The following CELA1 variants were observed in gnomAD, a reference collection of about 807,000 sequenced individuals.
The protein encoded by CELA1 is chymotrypsin-like elastase family member 1.
A neutral mutation model predicts 34.8 loss-of-function variants in CELA1; 28 were observed. That is an observed-to-expected ratio of 0.80 (90% CI 0.60 to 1.10). CELA1 has a LOEUF of 1.10. Ranked by LOEUF, CELA1 falls within the 50% of genes least tolerant of loss-of-function variation. The pLI is 0.00. For missense variants in CELA1, 288 were observed against 327.5 expected (o/e 0.88, Z 0.93); for synonymous variants, 140 against 129.8 (o/e 1.08, Z -0.53).
In CELA1 at chr12:51,343,812, G is replaced by A. The variant is rs748609374; in HGVS notation, c.141C>T (p.Thr47=). 42 of 1,610,522 alleles carry A rather than the reference G, an allele frequency of 2.6e-5. No individual in the cohort carries two copies. In the South Asian group the frequency reaches 4.5e-4, roughly 17 times the overall value. The change falls in exon 3 of 8, where the codon ACC becomes ACT. Residue 47 remains threonine (T), a synonymous_variant. Transcript: ENST00000293636. The part of the protein sequence containing the change: ...QYRSGGSRYH[T]CGGTLIRQNW... ...TCTGTCTGATAAGGGTCCCTCCACA[G>A]GTGTGATACCGGGAACCTCCAGACC...
intron 3 of CELA1, 97 bp from the exon 4 acceptor site, chr12:51,342,797 A>G: frequency 7.4e-7 from 1 of 1,348,242 alleles, no homozygotes; most frequent in Non-Finnish European, 9.9e-7. Context: ...TTTTTTAATC[A>G]TTATTATTTA....
chr12:51,345,864 C>A lies in CELA1; in HGVS notation c.30G>T (p.Gln10His), dbSNP rs17860287. MLVLYGHST[Q>H]DLPETNARVV... ...CGCGGGCATTGGTTTCCGGAAGGTC[C>A]TGGGTGCTGTGTCCTTTGTGGGGCA... is the stretch of plus-strand genomic sequence containing the variant. Residue 10 changes from glutamine to histidine, a missense_variant, in exon 2 of 8, where the codon CAG becomes CAT. Physicochemically the swap from Gln to His is conservative, Grantham distance 24. Coordinates refer to ENST00000293636, the MANE Select transcript of CELA1 (RefSeq NM_001971.6). The A allele has an allele frequency of 1.0e-5, 16 of 1,557,886 alleles. No homozygotes were observed. The Middle Eastern group carries it at 6.7e-4, about 65-fold the overall frequency.
At chr12:51,329,928 G>A (rs1337047825) in intron 6 of CELA1, 95 bp from the exon 7 acceptor site, 3 of 1,222,830 alleles carry the variant, frequency 2.5e-6, no homozygotes, top group Non-Finnish European at 2.3e-6. Context: ...AATTCTGTAC[G>A]GTTTTAAAGC....
intron 6 of CELA1, among the ~76,000 whole-genome samples, chr12:51,332,759 TGAGGAGGCTGAGGCACAAGAACCCAG>T (rs577784962): frequency 6.6e-6 from 1 of 152,174 alleles, no homozygotes; most frequent in African/African-American, 2.4e-5. Context: ...TCCCAGCTAC[TGAGGAGGCTGAGGCACAAGAACCCAG>T]GAGGAGGAGG....
intron 6 of CELA1, among the ~76,000 whole-genome samples, chr12:51,331,164 C>T (rs572635235): frequency 8.6e-5 from 13 of 151,556 alleles, no homozygotes; most frequent in East Asian, 3.9e-4. Context: ...CTGAGGCGGG[C>T]GGATCACCTG....
chr12:51,343,721 G>T lies in CELA1; in HGVS notation c.200+32C>A, dbSNP rs749892218. The T allele has an allele frequency of 4.5e-6, 6 of 1,335,724 alleles. No individual in the cohort carries two copies. The South Asian group carries it at 4.7e-5, about 11-fold the overall frequency. The allele number at this position is 1,335,724 out of a possible 1,614,324, so 82.7% of individuals were successfully genotyped here. A position where few individuals can be genotyped will look rare whatever the true frequency, so the allele number is the denominator to read the frequency against. On this transcript the variant is annotated intron_variant, in intron 3 of 7. Coordinates refer to ENST00000293636, the MANE Select transcript of CELA1 (RefSeq NM_001971.6). ...AAGGTCAGCCCCTTCCCCTTCCAGG[G>T]GCCCAGGAAAGCTTGTCTTTGTTTT...
Position 51,339,483 on chromosome 12 carries a change from G to A in CELA1, c.609+377C>T, listed in dbSNP as rs11169811. 5.9e-3 allele frequency among the ~76,000 whole-genome samples: 892 copies of A among 152,130 alleles called. 20 individuals are homozygous for A. The highest frequency in any genetic ancestry group is 0.032 in the East Asian group (164 of 5,186). ...AGGAGAATTGCTTGAACCCAGAGGCGGAGGTTGCAGTGAGCCGAGATCGTC... is the reference window on the plus strand; with the variant it reads ...AGGAGAATTGCTTGAACCCAGAGGCAGAGGTTGCAGTGAGCCGAGATCGTC... On this transcript the variant is annotated intron_variant, in intron 6 of 7. Coordinates refer to ENST00000293636, the MANE Select transcript of CELA1 (RefSeq NM_001971.6).
At chr12:51,346,264 G>A (rs1035171174) in intron 1 of CELA1, among the ~76,000 whole-genome samples, 11 of 149,924 alleles carry the variant, frequency 7.3e-5, no homozygotes, top group African/African-American at 2.5e-4. Flanking sequence ...TTCAGGGCCT[G>A]CAGTGCACAC....
At chr12:51,338,305 T>C (rs199698439) in intron 6 of CELA1, among the ~76,000 whole-genome samples, 5 of 3,376 alleles carry the variant, frequency 1.5e-3, no homozygotes, top group Admixed American at 0.019. Context: ...TACGCATACA[T>C]ATATATATAT....
At chr12:51,344,672 A>G (rs1442580830) in intron 2 of CELA1, among the ~76,000 whole-genome samples, 2 of 151,760 alleles carry the variant, frequency 1.3e-5, no homozygotes, top group African/African-American at 2.4e-5. Context: ...GCCTGGTGAC[A>G]GAGCGAGACT....
chr12:51,342,525 C>G (rs370614699), intron 4 of CELA1, 50 bp downstream of exon 4: 7 of 1,612,452 alleles, frequency 4.3e-6, no homozygotes, highest in Non-Finnish European at 5.9e-6. Flanking sequence ...CAGTTGTTGG[C>G]TAGTCAGGCC....
At chr12:51,331,132 G>A (rs950326224) in intron 6 of CELA1, among the ~76,000 whole-genome samples, 1 of 151,932 alleles carries the variant, frequency 6.6e-6, no homozygotes, top group African/African-American at 2.4e-5. Flanking sequence ...CTCCACACCT[G>A]TAATCCCAGC....
chr12:51,339,585 A>G (rs984477098), intron 6 of CELA1, among the ~76,000 whole-genome samples: 2 of 152,164 alleles, frequency 1.3e-5, no homozygotes, highest in Non-Finnish European at 2.9e-5. Context: ...TTCTAAGAAC[A>G]CACACATATA....
At chr12:51,336,271 G>A (rs1946498987) in intron 6 of CELA1, among the ~76,000 whole-genome samples, 1 of 152,168 alleles carries the variant, frequency 6.6e-6, no homozygotes, top group Non-Finnish European at 1.5e-5. Context: ...TCATTGAACA[G>A]TTTTTCCCTG....
intron 6 of CELA1, 58 bp downstream of exon 6, chr12:51,339,802 G>T (rs1946522603): frequency 3.9e-5 from 62 of 1,570,096 alleles, no homozygotes; most frequent in Non-Finnish European, 5.2e-5. Flanking sequence ...AGGAAGAGGG[G>T]TGGAGGGATA....
chr12:51,346,656 C>G lies in CELA1; in HGVS notation c.-18G>C. ...ACCAGCATGTTGCCGATGGAGTAGA[C>G]CACTGCCTTCTTGCTTGGACCAAGC... On this transcript the variant is annotated 5_prime_UTR_variant, in exon 1 of 8. Transcript: ENST00000293636. 1 of 1,593,050 alleles carries G rather than the reference C, an allele frequency of 6.3e-7. No homozygotes were observed. Among genetic ancestry groups the G allele is most frequent in the Non-Finnish European group, 8.6e-7 (1 of 1,164,694 alleles).
chr12:51,343,838 G>C lies in CELA1; in HGVS notation c.115C>G (p.Arg39Gly). ...SWPSQISLQY[R>G]SGGSRYHTCG... is the part of the protein sequence containing the mutation. ...GTGTGATACCGGGAACCTCCAGACC[G>C]GTACTGGAGGGAAATCTAGATGGGG... Residue 39 changes from arginine (R) to glycine (G), a missense_variant, in exon 3 of 8, where the codon CGG (arginine) becomes GGG (glycine). Coordinates refer to ENST00000293636, the MANE Select transcript of CELA1 (RefSeq NM_001971.6). 1 of 1,587,128 alleles carries C rather than the reference G, an allele frequency of 6.3e-7. No individual in the cohort carries two copies. Among genetic ancestry groups the C allele is most frequent in the Non-Finnish European group, 8.6e-7 (1 of 1,157,596 alleles).
In CELA1 at chr12:51,340,359, T is replaced by G. The variant is rs982117987; in HGVS notation, c.464-354A>C. Among the ~76,000 whole-genome samples the G allele has an allele frequency of 5.9e-5, 9 of 151,930 alleles. 1 individual carries two copies. The highest frequency in any genetic ancestry group is 2.2e-4 in the African/African-American group (9 of 41,370). ...AAGCTCCATGGAGCAGAAATGGGAT[T>G]GTGCATGCTTGTTTCCATTTCTTTC... On this transcript the variant is annotated intron_variant, in intron 5 of 7. Transcript: ENST00000293636.
At chr12:51,334,840 C>A (rs1006034120) in intron 6 of CELA1, among the ~76,000 whole-genome samples, 2 of 152,188 alleles carry the variant, frequency 1.3e-5, no homozygotes, top group African/African-American at 4.8e-5. Flanking sequence ...TTACCCCAAT[C>A]ATGCAGGAAA....
Sources: allele counts gnomAD v4.1 joint callset (sites outside exome capture counted in the v4.1 genomes callset), GRCh38; gene constraint gnomAD v4.1.1; transcripts MANE v1.5; gene names NCBI Gene and HGNC (gene_info 2026-07-23, HGNC 2026-07-21).